The following TNIP3 variants were observed in gnomAD, a reference collection of about 807,000 sequenced individuals.
TNIP3 encodes TNFAIP3 interacting protein 3.
In TNIP3, 34 loss-of-function variants were observed where a neutral mutation model predicts 54.1. That is an observed-to-expected ratio of 0.63 (90% CI 0.48 to 0.84). The LOEUF (loss-of-function observed/expected upper bound fraction) is 0.84. Ranked by LOEUF, TNIP3 falls within the 40% of genes least tolerant of loss-of-function variation. TNIP3 has a pLI of 0.00. For synonymous variants in TNIP3, 134 were observed against 136.8 expected, an observed-to-expected ratio of 0.98 and a Z score of 0.14; for missense variants, 366 against 387.6, an observed-to-expected ratio of 0.94 and a Z score of 0.47.
At chr4:121,145,269 A>G (rs1729361289) in intron 7 of TNIP3, among the ~76,000 whole-genome samples, 1 of 152,202 alleles carries the variant, frequency 6.6e-6, no homozygotes, top group Admixed American at 6.5e-5. Context: ...TGTGAATTCT[A>G]TCATTCTCCT....
intron 6 of TNIP3, among the ~76,000 whole-genome samples, chr4:121,148,178 T>C (rs1199996039): frequency 1.3e-5 from 2 of 152,222 alleles, no homozygotes; most frequent in Non-Finnish European, 2.9e-5. Context: ...ATCACTTTAG[T>C]CAGGTAGGGG....
chr4:121,201,324 G>A (rs1725872674), intron 2 of TNIP3, among the ~76,000 whole-genome samples: 1 of 152,132 alleles, frequency 6.6e-6, no homozygotes, highest in African/African-American at 2.4e-5. Flanking sequence ...GTCAATGGCT[G>A]GCTTCTTACA....
intron 2 of TNIP3, among the ~76,000 whole-genome samples, chr4:121,207,088 A>G (rs1726232941): frequency 6.6e-6 from 1 of 152,190 alleles, no homozygotes; most frequent in Non-Finnish European, 1.5e-5. Flanking sequence ...CATATTAGTG[A>G]AAATATAGTA....
At position 121,188,129 on chromosome 4, in the gene TNIP3, A is replaced by G. The variant is rs193187889; in HGVS notation, c.69-5333T>C. Reference sequence around the variant, plus strand: ...AACAGAAATTAATGAAATTCAGTAAATATCTGTTGGGTCTTGGCTTCTTCA... The same window carrying G: ...AACAGAAATTAATGAAATTCAGTAAGTATCTGTTGGGTCTTGGCTTCTTCA... On this transcript the variant is annotated intron_variant, in intron 2 of 12. Coordinates refer to the TNIP3 transcript ENST00000507879. 2.7e-3 allele frequency among the ~76,000 whole-genome samples: 414 copies of G among 152,266 alleles called. 2 individuals carry two copies. The highest frequency in any genetic ancestry group is 4.6e-3 in the Non-Finnish European group (316 of 68,008).
rs191627068 is a variant in TNIP3 at position 121,132,251 on chromosome 4, C to T, written c.*380G>A. The stretch of plus-strand genomic sequence containing the variant: ...ACACACACACACACACACACACACA[C>T]ATATGCACTTTAAATCAACATACAA... On this transcript the variant is annotated 3_prime_UTR_variant, in exon 11 of 11. Coordinates refer to ENST00000057513, the MANE Select transcript of TNIP3 (RefSeq NM_024873.6). 2.0e-5 allele frequency: 4 copies of T among 204,770 alleles called. No individual in the cohort carries two copies. Among genetic ancestry groups the T allele is most frequent in the Admixed American group, 5.5e-5 (1 of 18,212 alleles). 12.7% of individuals were successfully genotyped at this position (204,770 alleles called of 1,614,324 possible).
intron 3 of TNIP3, 117 bp from the exon 4 acceptor site, chr4:121,157,360 G>A (rs1385002870): frequency 7.5e-7 from 1 of 1,338,682 alleles, no homozygotes; most frequent in East Asian, 2.3e-5. Flanking sequence ...CGTCCCCTAA[G>A]GAGAGGTTCT....
At chr4:121,147,465 G>A (rs1432135411) in intron 6 of TNIP3, among the ~76,000 whole-genome samples, 9 of 152,142 alleles carry the variant, frequency 5.9e-5, no homozygotes, top group African/African-American at 2.2e-4. Flanking sequence ...ATGCAAAAAA[G>A]AAATGAAACC....
At chr4:121,136,145 C>A (rs898835665) in intron 10 of TNIP3, among the ~76,000 whole-genome samples, 1 of 152,196 alleles carries the variant, frequency 6.6e-6, no homozygotes, top group African/African-American at 2.4e-5. Context: ...TAGTTCATAA[C>A]ATATTTATTA....
At chr4:121,216,349 A>G (rs1351002256) in intron 2 of TNIP3, 1 of 1,343,844 alleles carries the variant, frequency 7.4e-7, no homozygotes, top group Non-Finnish European at 1.0e-6. Context: ...ATTGCCACAA[A>G]GCAGAAGTGC....
At chr4:121,143,923 C>T (rs1729276645) in intron 7 of TNIP3, among the ~76,000 whole-genome samples, 1 of 152,120 alleles carries the variant, frequency 6.6e-6, no homozygotes, top group Admixed American at 6.5e-5. Flanking sequence ...CATTCTAAAC[C>T]ATGAAATCAC....
intron 5 of TNIP3, among the ~76,000 whole-genome samples, chr4:121,153,169 G>A (rs1418371793): frequency 6.6e-6 from 1 of 152,028 alleles, no homozygotes; most frequent in East Asian, 1.9e-4. Flanking sequence ...ATTTTAAAAT[G>A]TAAAATTTCG....
intron 5 of TNIP3, among the ~76,000 whole-genome samples, chr4:121,151,738 A>C (rs1384840084): frequency 6.6e-6 from 1 of 151,900 alleles, no homozygotes; most frequent in East Asian, 1.9e-4. Flanking sequence ...GAATTTTCTG[A>C]TCTACTTTTC....
intron 2 of TNIP3, among the ~76,000 whole-genome samples, chr4:121,201,682 G>T (rs1281880657): frequency 6.6e-6 from 1 of 152,112 alleles, no homozygotes; most frequent in Admixed American, 6.5e-5. Context: ...TAACCAACTA[G>T]CTATGATTTG....
At position 121,184,859 on chromosome 4, in the gene TNIP3, G is replaced by T. The variant is rs527945641; in HGVS notation, c.69-2063C>A. ...TTGCATATGCATAACAATGAGTTTG[G>T]ACCTATCTTCAGGTTTTTTCCACAA... On this transcript the variant is annotated intron_variant, in intron 2 of 12. Coordinates refer to the TNIP3 transcript ENST00000507879. 5.3e-5 allele frequency among the ~76,000 whole-genome samples: 8 copies of T among 152,288 alleles called. No homozygotes were observed. In the South Asian group the frequency reaches 1.7e-3, roughly 32 times the overall value.
At chr4:121,153,395 C>G (rs1253793815) in intron 5 of TNIP3, among the ~76,000 whole-genome samples, 1 of 151,940 alleles carries the variant, frequency 6.6e-6, no homozygotes, top group Non-Finnish European at 1.5e-5. Context: ...TGTAAGAAAA[C>G]TTGTAATACG....
At position 121,164,077 on chromosome 4, in the gene TNIP3, A is replaced by T. The variant is rs1167428583; in HGVS notation, c.49T>A (p.Ser17Thr). ...GTTCTTACCTCTTTATGCTCCGTAG[A>T]ACTTTCTGCGGCAATCATTCTAGAT... ...GTSRMIAAES[S>T]TEHKECAEPS... Residue 17 changes from serine to threonine, a missense_variant, in exon 1 of 11, where the codon TCT becomes ACT. Ser to Thr is a moderately conservative substitution (Grantham distance 58). Coordinates refer to ENST00000057513, the MANE Select transcript of TNIP3 (RefSeq NM_024873.6). The T allele has an allele frequency of 1.2e-6, 2 of 1,613,782 alleles. No homozygotes were observed. Among genetic ancestry groups the T allele is most frequent in the African/African-American group, 2.7e-5 (2 of 75,032 alleles).
At chr4:121,173,213 G>A (rs13124522) in intron 3 of TNIP3, among the ~76,000 whole-genome samples, 35,899 of 152,096 alleles carry the variant, frequency 0.24, 4,417 homozygotes, top group Middle Eastern at 0.29. Flanking sequence ...AGCATCGCAG[G>A]AGCCTAAGTC....
exon 3 of TNIP3, chr4:121,182,744 C>A: frequency 6.5e-7 from 1 of 1,534,160 alleles, no homozygotes; most frequent in Non-Finnish European, 8.7e-7. Flanking sequence ...TGAGGAGACG[C>A]ATTTCTCTCA....
At chr4:121,176,710 T>G (rs1355915121) in intron 3 of TNIP3, among the ~76,000 whole-genome samples, 1 of 150,126 alleles carries the variant, frequency 6.7e-6, no homozygotes, top group Non-Finnish European at 1.5e-5. Context: ...AAAGCCAGAT[T>G]TTTTTTTTTC....
Sources: allele counts gnomAD v4.1 joint callset (sites outside exome capture counted in the v4.1 genomes callset), GRCh38; gene constraint gnomAD v4.1.1; transcripts MANE v1.5; gene names NCBI Gene and HGNC (gene_info 2026-07-23, HGNC 2026-07-21).